The following TRAPPC9 variants were observed in gnomAD, a reference collection of about 807,000 sequenced individuals.
TRAPPC9 encodes the protein IKK2 binding protein.
Under a neutral mutation model 124.0 loss-of-function variants are expected in TRAPPC9, and 83 were observed. The observed-to-expected ratio is 0.67, with a 90% CI of 0.56 to 0.80. TRAPPC9 has a LOEUF of 0.80. Among genes scored for constraint, TRAPPC9 ranks in the 30% least tolerant of loss-of-function variants. The probability of loss-of-function intolerance (pLI) is 0.00; values close to 1 mark genes in which losing one functional copy is unlikely to be tolerated. For synonymous variants in TRAPPC9, 638 were observed against 617.5 expected (o/e 1.03, Z -0.49); for missense variants, 1,302 against 1,508.3 (o/e 0.86, Z 2.27).
chr8:140,412,076 C>T (rs2069724585), intron 5 of TRAPPC9, among the ~76,000 whole-genome samples: 2 of 152,130 alleles, frequency 1.3e-5, no homozygotes, highest in Non-Finnish European at 2.9e-5. Flanking sequence ...TTATTTACAT[C>T]GAGAAAAATA....
chr8:140,089,898 T>C (rs1335194733), intron 17 of TRAPPC9, among the ~76,000 whole-genome samples: 1 of 151,926 alleles, frequency 6.6e-6, no homozygotes, highest in Non-Finnish European at 1.5e-5. Flanking sequence ...GCCAACACGG[T>C]AAAACCCTGT....
rs927088067 is a variant in TRAPPC9, at chr8:140,443,567, C to T, written c.585-4370G>A. Reference sequence around the variant, plus strand: ...AATACAGTAAGTATACTAAAAGGTGCCCACATGGTAGAGCTAAAGCACCAA... The same window carrying T: ...AATACAGTAAGTATACTAAAAGGTGTCCACATGGTAGAGCTAAAGCACCAA... On this transcript the variant is annotated intron_variant, in intron 2 of 22. Coordinates refer to ENST00000438773, the MANE Select transcript of TRAPPC9 (RefSeq NM_001160372.4). 3.3e-5 allele frequency among the ~76,000 whole-genome samples: 5 copies of T among 151,906 alleles called. No homozygotes were observed. The South Asian group carries it at 1.0e-3, about 32-fold the overall frequency.
At chr8:139,971,426 G>A (rs754439021) in intron 19 of TRAPPC9, among the ~76,000 whole-genome samples, 112 of 152,108 alleles carry the variant, frequency 7.4e-4, no homozygotes, top group Non-Finnish European at 1.5e-3. Flanking sequence ...TGCCTGCCCA[G>A]CTCCTCCTGG....
intron 10 of TRAPPC9, among the ~76,000 whole-genome samples, chr8:140,306,804 T>C (rs1397078185): frequency 6.6e-6 from 1 of 152,244 alleles, no homozygotes; most frequent in African/African-American, 2.4e-5. Flanking sequence ...CAAGGTATGC[T>C]TTCTGACTTG....
chr8:140,133,511 T>C (rs2061241516), intron 17 of TRAPPC9, among the ~76,000 whole-genome samples: 1 of 152,254 alleles, frequency 6.6e-6, no homozygotes, highest in Non-Finnish European at 1.5e-5. Flanking sequence ...CAGGACAGCA[T>C]GCCTGCTTTC....
intron 7 of TRAPPC9, among the ~76,000 whole-genome samples, chr8:140,380,058 C>A (rs1027407573): frequency 3.9e-5 from 6 of 152,060 alleles, no homozygotes; most frequent in African/African-American, 1.4e-4. Flanking sequence ...TATCAAAATC[C>A]CAGCTGACTT....
chr8:139,991,761 T>A (rs1837666876), intron 18 of TRAPPC9, among the ~76,000 whole-genome samples: 1 of 152,112 alleles, frequency 6.6e-6, no homozygotes, highest in Non-Finnish European at 1.5e-5. Context: ...ATTTTGGGAA[T>A]CTGTAGTCAG....
intron 14 of TRAPPC9, among the ~76,000 whole-genome samples, chr8:140,280,248 G>A (rs1259499682): frequency 1.3e-5 from 2 of 152,216 alleles, no homozygotes; most frequent in Non-Finnish European, 2.9e-5. Context: ...GTCCAGGCCC[G>A]GGAAGTCCTG....
At chr8:139,763,269 C>T (rs72683222) in intron 21 of TRAPPC9, among the ~76,000 whole-genome samples, 5,293 of 152,282 alleles carry the variant, frequency 0.035, 125 homozygotes, top group Middle Eastern at 0.078. Flanking sequence ...GGGATTAAAA[C>T]GTGGCTCTGG....
At chr8:140,013,590 C>A (rs1348874747) in intron 18 of TRAPPC9, among the ~76,000 whole-genome samples, 2 of 152,190 alleles carry the variant, frequency 1.3e-5, no homozygotes, top group Non-Finnish European at 1.5e-5. Flanking sequence ...GGGAGGCCAA[C>A]AAAGGCTTCA....
chr8:140,337,730 G>A (rs997014322), intron 9 of TRAPPC9, among the ~76,000 whole-genome samples: 18 of 152,216 alleles, frequency 1.2e-4, no homozygotes, highest in Non-Finnish European at 2.5e-4. Flanking sequence ...GGTGCTGTGA[G>A]AGTGGCTGTG....
At chr8:140,305,454 C>T (rs572943285) in intron 10 of TRAPPC9, among the ~76,000 whole-genome samples, 28 of 152,254 alleles carry the variant, frequency 1.8e-4, no homozygotes, top group African/African-American at 6.5e-4. Flanking sequence ...GCATGCACTA[C>T]CACATCCGAC....
intron 8 of TRAPPC9, among the ~76,000 whole-genome samples, chr8:140,364,184 C>T (rs534405383): frequency 2.0e-5 from 3 of 150,760 alleles, no homozygotes; most frequent in Admixed American, 2.0e-4. Context: ...ATAACTGGCC[C>T]CGGGACAGGA....
intron 17 of TRAPPC9, among the ~76,000 whole-genome samples, chr8:140,025,910 TTCTG>T (rs1270001959): frequency 2.0e-5 from 3 of 152,218 alleles, no homozygotes; most frequent in South Asian, 2.1e-4. Context: ...AGCACACTCA[TTCTG>T]TCTATCAACC....
intron 21 of TRAPPC9, among the ~76,000 whole-genome samples, chr8:139,845,766 G>T (rs1224796210): frequency 1.3e-5 from 2 of 152,212 alleles, no homozygotes. Flanking sequence ...TTAATGTGAC[G>T]GAGACCTGTG....
chr8:139,940,335 G>A (rs1357773503), intron 19 of TRAPPC9, among the ~76,000 whole-genome samples: 1 of 152,220 alleles, frequency 6.6e-6, no homozygotes, highest in East Asian at 1.9e-4. Context: ...ACTGAAGTTT[G>A]TGTTAATTGG....
At chr8:139,836,764 G>A (rs1368773990) in intron 21 of TRAPPC9, among the ~76,000 whole-genome samples, 1 of 152,230 alleles carries the variant, frequency 6.6e-6, no homozygotes, top group East Asian at 1.9e-4. Context: ...TGCTCTTTCA[G>A]GAGGATGCTT....
At chr8:139,827,732 A>G (rs1041800857) in intron 21 of TRAPPC9, among the ~76,000 whole-genome samples, 4 of 152,314 alleles carry the variant, frequency 2.6e-5, no homozygotes, top group East Asian at 1.9e-4. Context: ...CTGTTCTTGC[A>G]TTGCTATCAA....
intron 19 of TRAPPC9, among the ~76,000 whole-genome samples, chr8:139,946,517 A>T (rs12114237): frequency 0.019 from 2,883 of 152,262 alleles, 108 homozygotes; most frequent in African/African-American, 0.066. Context: ...TAGCAGTGCT[A>T]TTTACCATGA....
Sources: gnomAD v4.1 joint callset for allele counts (sites outside exome capture counted in the v4.1 genomes callset) on GRCh38, gnomAD v4.1.1 for gene constraint, MANE v1.5 for transcripts, NCBI Gene and HGNC (gene_info 2026-07-23, HGNC 2026-07-21) for gene names.